The following RBFOX1 variants were observed in gnomAD, a reference collection of about 807,000 sequenced individuals.
RBFOX1 encodes the protein RNA binding fox-1 homolog 1.
RBFOX1 carries 8 observed loss-of-function variants against 57.7 expected under a neutral mutation model. The observed-to-expected ratio is 0.14, with a 90% confidence interval of 0.08 to 0.25. The LOEUF (loss-of-function observed/expected upper bound fraction) is 0.25. RBFOX1 is among the 10% of genes least tolerant of loss of function. RBFOX1 has a pLI of 1.00. For synonymous variants in RBFOX1, 326 were observed against 222.4 expected (o/e 1.47, Z -4.15); for missense variants, 611 against 548.5 (o/e 1.11, Z -1.14).
At chr16:5,683,625 C>T (rs2050412896) in intron 3 of RBFOX1, among the ~76,000 whole-genome samples, 1 of 152,016 alleles carries the variant, frequency 6.6e-6, no homozygotes, top group African/African-American at 2.4e-5. Flanking sequence ...ACATCAGACT[C>T]CAAGTTCTTT....
chr16:7,666,533 A>C (rs1455317333), intron 13 of RBFOX1, among the ~76,000 whole-genome samples: 3 of 152,114 alleles, frequency 2.0e-5, no homozygotes, highest in Non-Finnish European at 4.4e-5. Flanking sequence ...GCAGATATCA[A>C]ATTGGTGTCT....
At chr16:6,914,966 G>A (rs555930091) in intron 3 of RBFOX1, among the ~76,000 whole-genome samples, 23 of 152,308 alleles carry the variant, frequency 1.5e-4, no homozygotes, top group East Asian at 1.9e-4. Context: ...TAGTGCCTGC[G>A]TACTATTATT....
intron 5 of RBFOX1, among the ~76,000 whole-genome samples, chr16:7,528,401 G>C (rs1445079338): frequency 1.3e-5 from 2 of 152,186 alleles, no homozygotes; most frequent in African/African-American, 4.8e-5. Context: ...GAGACTGCTA[G>C]ACAAAGGACT....
chr16:6,109,319 G>A (rs921527810), intron 1 of RBFOX1, among the ~76,000 whole-genome samples: 3 of 152,054 alleles, frequency 2.0e-5, no homozygotes, highest in Admixed American at 1.3e-4. Flanking sequence ...TCTTCATGCC[G>A]TGTTTCAGGT....
intron 1 of RBFOX1, among the ~76,000 whole-genome samples, chr16:5,364,880 C>T (rs531668486): frequency 1.6e-4 from 24 of 152,188 alleles, no homozygotes; most frequent in African/African-American, 3.9e-4. Context: ...ATCTGTGAAA[C>T]GCACCTGCTT....
chr16:6,683,385 A>G (rs1016943196), intron 3 of RBFOX1, among the ~76,000 whole-genome samples: 7 of 152,160 alleles, frequency 4.6e-5, no homozygotes, highest in Admixed American at 6.5e-5. Context: ...GTGGTTATGT[A>G]GGAGACTGTC....
intron 1 of RBFOX1, among the ~76,000 whole-genome samples, chr16:6,237,381 G>C (rs1242073092): frequency 6.6e-6 from 1 of 152,182 alleles, no homozygotes; most frequent in Non-Finnish European, 1.5e-5. Context: ...ACCCTATAAA[G>C]GTGAAGGGCT....
At chr16:5,881,602 C>T (rs1400308600) in intron 4 of RBFOX1, among the ~76,000 whole-genome samples, 1 of 152,096 alleles carries the variant, frequency 6.6e-6, no homozygotes. Context: ...AGCATTTGAA[C>T]CTGGGAGGCG....
At chr16:7,709,467 T>TCC in intron 15 of RBFOX1, 1 of 1,443,904 alleles carries the variant, frequency 6.9e-7, no homozygotes, top group Non-Finnish European at 9.1e-7. Flanking sequence ...TCTTTTTTTT[T>TCC]CCCTCCCTTG....
chr16:7,575,050 TG>T (rs200922897), intron 5 of RBFOX1, among the ~76,000 whole-genome samples: 1 of 102,342 alleles, frequency 9.8e-6, no homozygotes. Context: ...TGATCTTATT[TG>T]GGGGGGGCTG....
At chr16:7,061,117 C>G (rs1022957820) in intron 4 of RBFOX1, among the ~76,000 whole-genome samples, 2 of 152,146 alleles carry the variant, frequency 1.3e-5, no homozygotes, top group African/African-American at 4.8e-5. Flanking sequence ...ATGGTCCCAA[C>G]TTTGTGATTT....
chr16:5,821,861 C>G (rs1428538207), intron 3 of RBFOX1, among the ~76,000 whole-genome samples: 1 of 152,150 alleles, frequency 6.6e-6, no homozygotes, highest in Non-Finnish European at 1.5e-5. Flanking sequence ...AAGGGCCCAG[C>G]CAGTTTCCTG....
chr16:6,072,612 C>G (rs1046441733), intron 1 of RBFOX1, among the ~76,000 whole-genome samples: 1 of 149,662 alleles, frequency 6.7e-6, no homozygotes, highest in Non-Finnish European at 1.5e-5. Flanking sequence ...TCCAGGCCAA[C>G]AATTGTTTTT....
intron 3 of RBFOX1, among the ~76,000 whole-genome samples, chr16:6,668,399 C>G (rs2098745550): frequency 6.6e-6 from 1 of 152,214 alleles, no homozygotes; most frequent in South Asian, 2.1e-4. Context: ...AGGAGTAATA[C>G]AAAGCCACGT....
intron 3 of RBFOX1, among the ~76,000 whole-genome samples, chr16:5,645,125 C>G (rs1030223255): frequency 6.6e-6 from 1 of 151,550 alleles, no homozygotes; most frequent in African/African-American, 2.4e-5. Context: ...GATGCATGCC[C>G]GTAATCCCAG....
intron 3 of RBFOX1, among the ~76,000 whole-genome samples, chr16:6,910,887 C>A (rs1006911150): frequency 6.6e-6 from 1 of 152,074 alleles, no homozygotes; most frequent in Admixed American, 6.6e-5. Flanking sequence ...CTTTGCCTTC[C>A]TTGCTAATCT....
intron 4 of RBFOX1, among the ~76,000 whole-genome samples, chr16:7,142,896 G>C (rs1490111879): frequency 6.9e-6 from 1 of 144,568 alleles, no homozygotes; most frequent in East Asian, 2.1e-4. Context: ...ATCATCTGCA[G>C]ACACATCTGC....
intron 3 of RBFOX1, among the ~76,000 whole-genome samples, chr16:5,639,490 G>A (rs555031274): frequency 6.2e-4 from 94 of 152,316 alleles, no homozygotes; most frequent in Admixed American, 7.8e-4. Context: ...GGAACACTGG[G>A]TCCATGTTCC....
intron 1 of RBFOX1, among the ~76,000 whole-genome samples, chr16:5,332,555 C>T (rs1343825804): frequency 2.6e-5 from 4 of 151,984 alleles, no homozygotes; most frequent in East Asian, 1.9e-4. Flanking sequence ...TAAGTCACTG[C>T]ACTCGGCCAA....
Sources: gnomAD v4.1 joint callset for allele counts (sites outside exome capture counted in the v4.1 genomes callset) on GRCh38, gnomAD v4.1.1 for gene constraint, MANE v1.5 for transcripts, NCBI Gene and HGNC (gene_info 2026-07-23, HGNC 2026-07-21) for gene names.